NTRK3: variants seen among roughly 807,000 people sequenced by gnomAD.
NTRK3 encodes neurotrophic receptor tyrosine kinase 3.
Under a neutral mutation model 91.7 loss-of-function variants are expected in NTRK3, and 24 were observed. The ratio of observed to expected loss-of-function variants is 0.26; its 90% CI spans 0.19 to 0.37. The LOEUF is 0.37. Among genes scored for constraint, NTRK3 ranks in the 10% least tolerant of loss-of-function variants. The pLI is 1.00. For synonymous variants in NTRK3, 483 were observed against 404.0 expected (o/e 1.20, Z -2.34); for missense variants, 880 against 1,068.9 (o/e 0.82, Z 2.46).
At chr15:88,188,800 G>C (rs1359519853) in intron 3 of NTRK3, among the ~76,000 whole-genome samples, 1 of 152,258 alleles carries the variant, frequency 6.6e-6, no homozygotes, top group East Asian at 1.9e-4. Context: ...ACACATTCCA[G>C]ATGCAACAGT....
At chr15:88,033,530 C>G (rs903687157) in intron 13 of NTRK3, among the ~76,000 whole-genome samples, 5 of 151,904 alleles carry the variant, frequency 3.3e-5, no homozygotes, top group Non-Finnish European at 7.4e-5. Flanking sequence ...AGGATGGTCT[C>G]AAACTCCTGA....
At chr15:88,071,339 G>A (rs578196837) in intron 13 of NTRK3, among the ~76,000 whole-genome samples, 8 of 152,384 alleles carry the variant, frequency 5.2e-5, no homozygotes, top group African/African-American at 1.9e-4. Context: ...CAAGCTGCAG[G>A]TGGAGGGAGC....
intron 14 of NTRK3, among the ~76,000 whole-genome samples, chr15:87,945,928 G>T (rs1180866315): frequency 6.6e-6 from 1 of 151,796 alleles, no homozygotes; most frequent in Non-Finnish European, 1.5e-5. Flanking sequence ...CATGGATGTT[G>T]ACTTGGCAGA....
chr15:88,121,096 T>TG (rs11419781), intron 13 of NTRK3, among the ~76,000 whole-genome samples: 7 of 151,706 alleles, frequency 4.6e-5, no homozygotes, highest in African/African-American at 1.7e-4. Context: ...AATGTATGTA[T>TG]TTTTTTTACA....
In NTRK3 at chr15:88,093,354, G is replaced by C. The variant is rs552365669; in HGVS notation, c.1396+32917C>G. On this transcript the variant is annotated intron_variant, in intron 13 of 18. Transcript: ENST00000394480. ...GGATGATATTCTCCTATAACCACCA[G>C]TTTCAATCTTAGGGTAGCATGATTA... is the stretch of plus-strand genomic sequence containing the variant. Among the ~76,000 whole-genome samples the C allele has an allele frequency of 5.9e-5, 9 of 152,274 alleles. No individual in the cohort carries two copies. In the East Asian group the frequency reaches 1.7e-3, roughly 29 times the overall value.
intron 3 of NTRK3, among the ~76,000 whole-genome samples, chr15:88,222,091 C>T (rs117458762): frequency 2.0e-5 from 3 of 152,268 alleles, no homozygotes; most frequent in Non-Finnish European, 4.4e-5. Context: ...ACTTTGCAGC[C>T]CATGTTGGGT....
intron 3 of NTRK3, among the ~76,000 whole-genome samples, chr15:88,202,135 C>G (rs1240770419): frequency 6.6e-6 from 1 of 152,170 alleles, no homozygotes; most frequent in African/African-American, 2.4e-5. Flanking sequence ...CTACTGCTGG[C>G]CAAAACCTGC....
At position 88,016,736 on chromosome 15, in the gene NTRK3, A is replaced by G. The variant is rs116784106; in HGVS notation, c.1585+16121T>C. 1.0e-3 allele frequency among the ~76,000 whole-genome samples: 153 copies of G among 152,354 alleles called. 1 individual carries two copies. Among genetic ancestry groups the G allele is most frequent in the African/African-American group, 3.6e-3 (148 of 41,580 alleles). On this transcript the variant is annotated intron_variant, in intron 14 of 18. Transcript: ENST00000394480. The stretch of plus-strand genomic sequence containing the variant: ...TGCATTATAAATCAACTCCTTTCTC[A>G]GCCATTAAAAATTAATACAGTTCAT...
intron 3 of NTRK3, among the ~76,000 whole-genome samples, chr15:88,246,147 A>G (rs9302345): frequency 0.86 from 131,052 of 152,212 alleles, 56,581 homozygotes; most frequent in East Asian, 0.99. Flanking sequence ...GTAGGAGGAC[A>G]CTCATTTGTG....
chr15:87,918,078 C>A (rs2067580757), intron 17 of NTRK3, among the ~76,000 whole-genome samples: 1 of 152,052 alleles, frequency 6.6e-6, no homozygotes. Flanking sequence ...CCTGTGGGAC[C>A]AGCCAGTCTC....
At chr15:88,074,665 A>G (rs1035161303) in intron 13 of NTRK3, among the ~76,000 whole-genome samples, 5 of 152,208 alleles carry the variant, frequency 3.3e-5, no homozygotes, top group African/African-American at 1.2e-4. Flanking sequence ...ATAGCCGTAT[A>G]TGATGTGGTT....
Position 88,240,699 on chromosome 15 carries a change from G to A in NTRK3, c.248+15207C>T, listed in dbSNP as rs2052264385. 6.6e-6 allele frequency among the ~76,000 whole-genome samples: 1 copy of A among 152,242 alleles called. No individual in the cohort carries two copies. Among genetic ancestry groups the A allele is most frequent in the African/African-American group, 2.4e-5 (1 of 41,474 alleles). ...GCCTCAGTTTTCTCCCCTGTAAAATGAGGATGATCGTGGGACCTGCCATGT... is the reference window on the plus strand; with the variant it reads ...GCCTCAGTTTTCTCCCCTGTAAAATAAGGATGATCGTGGGACCTGCCATGT... On this transcript the variant is annotated intron_variant, in intron 3 of 18. Coordinates refer to ENST00000394480, the Ensembl canonical transcript of NTRK3. This position sits in a 1 kb window ranked among gnomAD's most constrained non-coding sequence, Gnocchi z 4.9.
intron 13 of NTRK3, among the ~76,000 whole-genome samples, chr15:88,056,318 G>A (rs1219305444): frequency 6.6e-6 from 1 of 151,386 alleles, no homozygotes; most frequent in Non-Finnish European, 1.5e-5. Flanking sequence ...GCAGAGTGAT[G>A]GGCTTTAAAT....
At chr15:87,920,279 T>G (rs1175097542) in intron 17 of NTRK3, among the ~76,000 whole-genome samples, 1 of 152,250 alleles carries the variant, frequency 6.6e-6, no homozygotes, top group Non-Finnish European at 1.5e-5. Flanking sequence ...CCTTCTGTGT[T>G]CATTCCCTCA....
At chr15:88,206,403 A>C (rs1243653555) in intron 3 of NTRK3, among the ~76,000 whole-genome samples, 32 of 143,310 alleles carry the variant, frequency 2.2e-4, no homozygotes, top group South Asian at 2.3e-4. Flanking sequence ...TCACGCCTGT[A>C]ATCCCAGCAC....
chr15:87,911,989 C>A (rs1049927215), intron 17 of NTRK3, among the ~76,000 whole-genome samples: 3 of 152,198 alleles, frequency 2.0e-5, no homozygotes, highest in Admixed American at 2.0e-4. Flanking sequence ...CAACACATTT[C>A]AAGGCAATAG....
Position 87,885,598 on chromosome 15 carries a change from A to G in NTRK3, c.2134-5170T>C, listed in dbSNP as rs564725991. The G allele has an allele frequency of 1.0e-5, 7 of 685,386 alleles. No homozygotes were observed. In the East Asian group the frequency reaches 1.5e-4, roughly 15 times the overall value. The allele number at this position is 685,386 out of a possible 1,614,324, so 42.5% of individuals were successfully genotyped here. On this transcript the variant is annotated intron_variant, in intron 17 of 18. Coordinates refer to ENST00000394480, the Ensembl canonical transcript of NTRK3. ...AGAGAGTCCAGAGGCAGACCCATGT[A>G]TAAATATTGGAATTTAATATATGAA...
rs1176596017 is a variant in NTRK3 at position 88,235,920 on chromosome 15, G to C, written c.248+19986C>G. Among the ~76,000 whole-genome samples the C allele has an allele frequency of 6.6e-6, 1 of 152,196 alleles. No individual in the cohort carries two copies. Among genetic ancestry groups the C allele is most frequent in the Non-Finnish European group, 1.5e-5 (1 of 68,048 alleles). ...TCCCCTCAATTTCTTCCTCTGCAAGGCAAAGATACAAGGTCCTGTTTCGAT... is the reference window on the plus strand; with the variant it reads ...TCCCCTCAATTTCTTCCTCTGCAAGCCAAAGATACAAGGTCCTGTTTCGAT... On this transcript the variant is annotated intron_variant, in intron 3 of 18. Transcript: ENST00000394480. This position sits in a 1 kb window ranked among gnomAD's most constrained non-coding sequence, Gnocchi z 5.2.
chr15:88,043,033 T>G (rs1257280385), intron 13 of NTRK3, among the ~76,000 whole-genome samples: 1 of 152,164 alleles, frequency 6.6e-6, no homozygotes, highest in African/African-American at 2.4e-5. Context: ...CTGGCTTTGT[T>G]TAGGAAAGAA....
Sources: allele counts gnomAD v4.1 joint callset (sites outside exome capture counted in the v4.1 genomes callset), GRCh38; gene constraint gnomAD v4.1.1; non-coding constraint Gnocchi (gnomAD v3.1); transcripts MANE v1.5; gene names NCBI Gene and HGNC (gene_info 2026-07-23, HGNC 2026-07-21).